LRMDA: variants seen among roughly 807,000 people sequenced by gnomAD.
LRMDA encodes the protein leucine rich melanocyte differentiation associated, also known as leucine-rich melanocyte differentiation-associated protein.
LRMDA carries 18 observed loss-of-function variants against 29.8 expected under a neutral mutation model. The ratio of observed to expected loss-of-function variants is 0.60; its 90% confidence interval spans 0.42 to 0.90. The LOEUF (loss-of-function observed/expected upper bound fraction) is 0.90, where lower values mean the gene tolerates loss of function less well. Ranked by LOEUF, LRMDA falls within the 40% of genes least tolerant of loss-of-function variation. The pLI is 0.00. For missense variants in LRMDA, 273 were observed against 273.9 expected (o/e 1.00, Z 0.02); for synonymous variants, 125 against 109.4 (o/e 1.14, Z -0.89).
intron 2 of LRMDA, among the ~76,000 whole-genome samples, chr10:75,896,725 C>T (rs1845588113): frequency 1.3e-5 from 2 of 152,122 alleles, no homozygotes; most frequent in Admixed American, 1.3e-4. Flanking sequence ...TGACATCAGC[C>T]TCCTCGTTTA....
intron 2 of LRMDA, among the ~76,000 whole-genome samples, chr10:75,878,423 A>G (rs1047634722): frequency 2.0e-5 from 3 of 152,040 alleles, no homozygotes; most frequent in African/African-American, 7.2e-5. Context: ...AGGGCCACCC[A>G]ACAGCTGGAC....
At chr10:75,757,629 T>C (rs945068402) in intron 2 of LRMDA, among the ~76,000 whole-genome samples, 1 of 152,136 alleles carries the variant, frequency 6.6e-6, no homozygotes, top group Admixed American at 6.5e-5. Flanking sequence ...AATGAGATCA[T>C]AGTGGAACTG....
chr10:75,884,089 A>T (rs1845339132), intron 2 of LRMDA, among the ~76,000 whole-genome samples: 1 of 151,892 alleles, frequency 6.6e-6, no homozygotes, highest in Non-Finnish European at 1.5e-5. Context: ...GACATACGTG[A>T]ACATTTGTAT....
chr10:75,877,565 G>C (rs573948457), intron 2 of LRMDA, among the ~76,000 whole-genome samples: 1 of 152,372 alleles, frequency 6.6e-6, no homozygotes, highest in East Asian at 1.9e-4. Flanking sequence ...AAATTGAGTA[G>C]AACATGAGTG....
At chr10:76,190,982 G>A (rs772593732) in intron 5 of LRMDA, among the ~76,000 whole-genome samples, 68 of 152,240 alleles carry the variant, frequency 4.5e-4, no homozygotes, top group Non-Finnish European at 7.8e-4. Context: ...AACCCCGAGC[G>A]GCTTTGCTCT....
chr10:75,529,831 C>T (rs189946376), intron 2 of LRMDA, among the ~76,000 whole-genome samples: 5 of 152,134 alleles, frequency 3.3e-5, no homozygotes, highest in African/African-American at 1.2e-4. Context: ...TCAAATACAA[C>T]GTATCTATAT....
intron 2 of LRMDA, among the ~76,000 whole-genome samples, chr10:76,015,238 C>T (rs1414781903): frequency 6.6e-6 from 1 of 152,220 alleles, no homozygotes; most frequent in East Asian, 1.9e-4. Flanking sequence ...TATCACACAG[C>T]TTCTGTGGGC....
At chr10:75,505,012 A>G (rs1845155017) in intron 2 of LRMDA, among the ~76,000 whole-genome samples, 1 of 152,126 alleles carries the variant, frequency 6.6e-6, no homozygotes, top group Non-Finnish European at 1.5e-5. Context: ...AGTGATTGAT[A>G]CAGATTAACA....
At chr10:75,459,922 G>T (rs986467035) in intron 2 of LRMDA, among the ~76,000 whole-genome samples, 2 of 152,182 alleles carry the variant, frequency 1.3e-5, no homozygotes, top group Admixed American at 6.5e-5. Flanking sequence ...ATTAATAAAT[G>T]CCTCGTATTA....
At chr10:75,956,673 A>G (rs1287467457) in intron 2 of LRMDA, among the ~76,000 whole-genome samples, 3 of 152,110 alleles carry the variant, frequency 2.0e-5, no homozygotes, top group Non-Finnish European at 2.9e-5. Flanking sequence ...TCGTTCTTTA[A>G]CTGGTCATTC....
At chr10:76,104,010 T>G (rs1203273291) in intron 5 of LRMDA, among the ~76,000 whole-genome samples, 2 of 150,718 alleles carry the variant, frequency 1.3e-5, no homozygotes, top group African/African-American at 4.9e-5. Context: ...ATCATGCCAC[T>G]GCACTCCAGC....
chr10:75,570,744 T>C (rs190688015), intron 2 of LRMDA, among the ~76,000 whole-genome samples: 2 of 152,342 alleles, frequency 1.3e-5, no homozygotes, highest in Admixed American at 1.3e-4. Flanking sequence ...TTTAAAAGGT[T>C]TCTTTTGTCA....
chr10:76,147,701 C>T (rs985238174), intron 5 of LRMDA, among the ~76,000 whole-genome samples: 25 of 152,248 alleles, frequency 1.6e-4, no homozygotes, highest in African/African-American at 4.1e-4. Context: ...AGTCATTCTC[C>T]ATCCAGCTTT....
intron 2 of LRMDA, among the ~76,000 whole-genome samples, chr10:75,449,249 T>C (rs532576310): frequency 3.3e-5 from 5 of 152,134 alleles, no homozygotes; most frequent in Admixed American, 2.6e-4. Context: ...TTACATATGT[T>C]ATCTCATTTA....
chr10:75,585,823 CTT>C (rs1425600468), intron 2 of LRMDA, among the ~76,000 whole-genome samples: 1 of 152,184 alleles, frequency 6.6e-6, no homozygotes, highest in Admixed American at 6.5e-5. Flanking sequence ...TGATTAATAA[CTT>C]CTCATTTCCT....
chr10:76,315,535 C>G (rs1840682749), intron 5 of LRMDA, among the ~76,000 whole-genome samples: 2 of 152,234 alleles, frequency 1.3e-5, no homozygotes, highest in Non-Finnish European at 2.9e-5. Context: ...TGCGTGCACT[C>G]AGGGCAGCAC....
At chr10:75,622,482 CA>C in intron 2 of LRMDA, among the ~76,000 whole-genome samples, 1 of 152,244 alleles carries the variant, frequency 6.6e-6, no homozygotes, top group South Asian at 2.1e-4. Context: ...TTACTTTCTG[CA>C]AAGTCATATG....
chr10:75,457,176 G>A (rs560141924), intron 2 of LRMDA, among the ~76,000 whole-genome samples: 7 of 152,348 alleles, frequency 4.6e-5, no homozygotes, highest in Admixed American at 3.3e-4. Context: ...CAGCTGGTCA[G>A]TGGGGGGACC....
At chr10:75,788,469 G>T (rs961386099) in intron 2 of LRMDA, among the ~76,000 whole-genome samples, 1 of 152,220 alleles carries the variant, frequency 6.6e-6, no homozygotes, top group Admixed American at 6.5e-5. Flanking sequence ...CTAGCTAGTT[G>T]TCCGTCCCAT....
Sources: allele counts gnomAD v4.1 joint callset (sites outside exome capture counted in the v4.1 genomes callset), GRCh38; gene constraint gnomAD v4.1.1; transcripts MANE v1.5; gene names NCBI Gene and HGNC (gene_info 2026-07-23, HGNC 2026-07-21).